The following UVRAG variants were observed in gnomAD, a reference collection of about 807,000 sequenced individuals.
UVRAG encodes the protein UV radiation resistance-associated gene protein.
In UVRAG, 19 loss-of-function variants were observed where a neutral mutation model predicts 78.0. That is an observed-to-expected ratio of 0.24 (90% CI 0.17 to 0.36). The LOEUF (loss-of-function observed/expected upper bound fraction) is 0.36, where lower values mean the gene tolerates loss of function less well. Among genes scored for constraint, UVRAG ranks in the 10% least tolerant of loss-of-function variants. The pLI is 1.00. For synonymous variants in UVRAG, 323 were observed against 324.6 expected (o/e 1.00, Z 0.05); for missense variants, 740 against 853.8 (o/e 0.87, Z 1.66).
intron 14 of UVRAG, among the ~76,000 whole-genome samples, chr11:76,124,695 T>C (rs1172975771): frequency 6.6e-6 from 1 of 152,262 alleles, no homozygotes; most frequent in East Asian, 1.9e-4. Flanking sequence ...AGTGGCTTTA[T>C]GTGAGGCCAT....
chr11:75,945,256 G>C (rs560014600), intron 6 of UVRAG, among the ~76,000 whole-genome samples: 3 of 152,174 alleles, frequency 2.0e-5, no homozygotes, highest in African/African-American at 7.2e-5. Flanking sequence ...GTATTTCTGA[G>C]GAAGGAAAGG....
chr11:75,857,488 T>C (rs11236565), intron 2 of UVRAG, among the ~76,000 whole-genome samples: 19,523 of 148,164 alleles, frequency 0.13, 1,486 homozygotes, highest in East Asian at 0.22. Flanking sequence ...TCTTTCTTTT[T>C]CCCCCCCCCT....
In UVRAG at chr11:75,837,391, G is replaced by A. The variant is rs562527900; in HGVS notation, c.118-14492G>A. 1.9e-4 allele frequency among the ~76,000 whole-genome samples: 29 copies of A among 150,840 alleles called. No individual in the cohort carries two copies. The East Asian group carries it at 4.9e-3, about 25-fold the overall frequency. ...TCCCTGATATAAAATGGCATAGTAT[G>A]CATATAACCCATGCAACATCTTCCT... is the stretch of plus-strand genomic sequence containing the variant. On this transcript the variant is annotated intron_variant, in intron 1 of 14. Coordinates refer to ENST00000356136, the MANE Select transcript of UVRAG (RefSeq NM_003369.4).
chr11:76,052,930 T>G (rs144122380), intron 12 of UVRAG, among the ~76,000 whole-genome samples: 1 of 150,186 alleles, frequency 6.7e-6, no homozygotes, highest in African/African-American at 2.4e-5. Flanking sequence ...AAATATACTT[T>G]GTTTATATTA....
At chr11:75,985,680 A>G (rs1296224156) in intron 8 of UVRAG, among the ~76,000 whole-genome samples, 3 of 152,152 alleles carry the variant, frequency 2.0e-5, no homozygotes, top group South Asian at 2.1e-4. Flanking sequence ...ATTTATATCT[A>G]TAATTCATCT....
At chr11:76,085,012 C>T (rs1036936123) in intron 13 of UVRAG, among the ~76,000 whole-genome samples, 7 of 141,850 alleles carry the variant, frequency 4.9e-5, no homozygotes, top group African/African-American at 7.9e-5. Flanking sequence ...TGCAGTGAGC[C>T]GAGATTGCAC....
intron 6 of UVRAG, among the ~76,000 whole-genome samples, chr11:75,957,980 TTACAC>T (rs1487468610): frequency 6.6e-6 from 1 of 152,192 alleles, no homozygotes; most frequent in Non-Finnish European, 1.5e-5. Context: ...AAAGTTATGT[TTACAC>T]TATGCTGTAG....
At chr11:75,945,070 C>A (rs772192887) in intron 6 of UVRAG, among the ~76,000 whole-genome samples, 5 of 152,042 alleles carry the variant, frequency 3.3e-5, no homozygotes, top group Non-Finnish European at 7.4e-5. Context: ...GGCAGTTTCC[C>A]AGGAGTTTTT....
intron 11 of UVRAG, among the ~76,000 whole-genome samples, chr11:76,009,744 G>A (rs1950016699): frequency 6.6e-6 from 1 of 152,196 alleles, no homozygotes; most frequent in Admixed American, 6.5e-5. Flanking sequence ...TAAAAGGAGA[G>A]TGATAAACCA....
In UVRAG at chr11:76,021,617, T is replaced by C. The variant is rs549775563; in HGVS notation, c.1226+4637T>C. ...AAGATGGCAACTTAGGTTAATGAGA[T>C]CTTTCTTTTATAATGTCAGTGTTTA... On this transcript the variant is annotated intron_variant, in intron 12 of 14. Coordinates refer to ENST00000356136, the MANE Select transcript of UVRAG (RefSeq NM_003369.4). 7.2e-5 allele frequency among the ~76,000 whole-genome samples: 11 copies of C among 152,350 alleles called. No individual in the cohort carries two copies. In the South Asian group the frequency reaches 1.7e-3, roughly 23 times the overall value.
intron 13 of UVRAG, among the ~76,000 whole-genome samples, chr11:76,099,154 T>C (rs1017589153): frequency 2.6e-4 from 40 of 152,190 alleles, no homozygotes; most frequent in African/African-American, 9.4e-4. Context: ...ATTTCACCCT[T>C]GCAATTTGCA....
chr11:76,138,590 C>T (rs1952641503), intron 14 of UVRAG, among the ~76,000 whole-genome samples: 1 of 152,218 alleles, frequency 6.6e-6, no homozygotes, highest in South Asian at 2.1e-4. Flanking sequence ...GTTTCTCATG[C>T]CCTGCCTTTT....
At chr11:76,136,548 G>A (rs939280463) in intron 14 of UVRAG, among the ~76,000 whole-genome samples, 9 of 142,792 alleles carry the variant, frequency 6.3e-5, no homozygotes, top group Non-Finnish European at 1.1e-4. Flanking sequence ...TTGCTCTGTC[G>A]TCCAGGCTAA....
At chr11:75,820,975 A>C (rs1361366283) in intron 1 of UVRAG, among the ~76,000 whole-genome samples, 1 of 152,232 alleles carries the variant, frequency 6.6e-6, no homozygotes, top group Non-Finnish European at 1.5e-5. Flanking sequence ...ATAATTTTTA[A>C]GTATACAATA....
chr11:76,132,201 G>A (rs1157707798), intron 14 of UVRAG, among the ~76,000 whole-genome samples: 3 of 152,178 alleles, frequency 2.0e-5, no homozygotes, highest in Non-Finnish European at 4.4e-5. Context: ...TCTGGTGGCC[G>A]TAAACCAACT....
intron 6 of UVRAG, among the ~76,000 whole-genome samples, chr11:75,951,368 TTTTG>T (rs140611039): frequency 0.03 from 4,552 of 150,354 alleles, 209 homozygotes; most frequent in African/African-American, 0.1. Context: ...TGTATATATT[TTTTG>T]TTTGTTTGTT....
chr11:75,829,752 A>T (rs755113104), intron 1 of UVRAG, among the ~76,000 whole-genome samples: 2 of 152,244 alleles, frequency 1.3e-5, no homozygotes, highest in Non-Finnish European at 2.9e-5. Context: ...CCTATACTAT[A>T]TGTAAACAAC....
At chr11:75,880,088 G>T in intron 4 of UVRAG, 48 bp downstream of exon 4, 1 of 1,592,774 alleles carries the variant, frequency 6.3e-7, no homozygotes, top group East Asian at 2.2e-5. Flanking sequence ...CCAAATTAAC[G>T]TGTCTAACCT....
intron 7 of UVRAG, among the ~76,000 whole-genome samples, chr11:75,975,994 G>C (rs1949230172): frequency 1.3e-5 from 2 of 152,140 alleles, no homozygotes; most frequent in Non-Finnish European, 2.9e-5. Flanking sequence ...TATGATATTG[G>C]CTGTGGGTTT....
Sources: gnomAD v4.1 joint callset for allele counts (sites outside exome capture counted in the v4.1 genomes callset) on GRCh38, gnomAD v4.1.1 for gene constraint, MANE v1.5 for transcripts, NCBI Gene and HGNC (gene_info 2026-07-23, HGNC 2026-07-21) for gene names.